Variants in QTMAN observed in about 807,000 individuals in gnomAD.
QTMAN encodes queuosine-tRNA mannosyltransferase, also known as tRNA-queuosine alpha-mannosyltransferase.
At chr2:143,952,549 G>A in the QTMAN span, among the ~76,000 whole-genome samples, 1 of 151,256 alleles carries the variant, frequency 6.6e-6, no homozygotes, top group Non-Finnish European at 1.5e-5. Flanking sequence ...TGCTAACAAT[G>A]AAGAATGTTA....
chr2:144,315,999 T>C, the QTMAN span, among the ~76,000 whole-genome samples: 2 of 152,320 alleles, frequency 1.3e-5, no homozygotes, highest in East Asian at 3.9e-4. Flanking sequence ...CCAGATCATC[T>C]GACTCCAACA....
At chr2:144,080,578 A>G in the QTMAN span, among the ~76,000 whole-genome samples, 1 of 152,214 alleles carries the variant, frequency 6.6e-6, no homozygotes, top group Non-Finnish European at 1.5e-5. Context: ...TCAAAATAGA[A>G]CAATCAAAGC....
At chr2:144,187,756 T>C in the QTMAN span, among the ~76,000 whole-genome samples, 1 of 152,152 alleles carries the variant, frequency 6.6e-6, no homozygotes, top group Non-Finnish European at 1.5e-5. Context: ...ATGATGATGA[T>C]GTAGTGGGTT....
the QTMAN span, among the ~76,000 whole-genome samples, chr2:143,948,044 AAAGT>A: frequency 8.0e-4 from 122 of 152,328 alleles, no homozygotes; most frequent in African/African-American, 2.8e-3. Flanking sequence ...GTTTAAGGAA[AAAGT>A]AAGGACTCTG....
chr2:144,087,988 G>A, the QTMAN span, among the ~76,000 whole-genome samples: 89 of 152,004 alleles, frequency 5.9e-4, no homozygotes, highest in Middle Eastern at 0.014. Context: ...AAAATAAAAG[G>A]CATCCAAACC....
chr2:144,075,556 G>C, the QTMAN span, among the ~76,000 whole-genome samples: 11 of 152,310 alleles, frequency 7.2e-5, no homozygotes, highest in Admixed American at 3.3e-4. Context: ...GGAACTTGAG[G>C]TCACTGTAGC....
chr2:144,257,408 A>G, the QTMAN span, among the ~76,000 whole-genome samples: 1 of 152,154 alleles, frequency 6.6e-6, no homozygotes, highest in Non-Finnish European at 1.5e-5. Context: ...GAGAGAAAAA[A>G]AAAACAAAAC....
chr2:144,030,497 G>A, the QTMAN span, among the ~76,000 whole-genome samples: 1 of 152,158 alleles, frequency 6.6e-6, no homozygotes, highest in African/African-American at 2.4e-5. Context: ...GCTCTAGGAA[G>A]CAGGAATCAT....
At chr2:144,229,760 A>T in the QTMAN span, among the ~76,000 whole-genome samples, 10 of 152,222 alleles carry the variant, frequency 6.6e-5, no homozygotes, top group Non-Finnish European at 1.3e-4. Flanking sequence ...TCACAGAATG[A>T]AATTACTGAG....
chr2:144,100,213 C>G, the QTMAN span, among the ~76,000 whole-genome samples: 1 of 152,210 alleles, frequency 6.6e-6, no homozygotes, highest in African/African-American at 2.4e-5. Flanking sequence ...GGCCCAAGTT[C>G]TGCTCTCAGT....
the QTMAN span, among the ~76,000 whole-genome samples, chr2:144,109,338 C>T: frequency 2.0e-5 from 3 of 152,092 alleles, no homozygotes; most frequent in South Asian, 6.2e-4. Flanking sequence ...AACTGGCTAG[C>T]CATATGTAGA....
the QTMAN span, among the ~76,000 whole-genome samples, chr2:144,155,814 A>C: frequency 1.3e-5 from 2 of 152,158 alleles, no homozygotes; most frequent in African/African-American, 2.4e-5. Flanking sequence ...TTAGGCTTGA[A>C]TATTATGACA....
chr2:144,181,767 T>C, the QTMAN span, among the ~76,000 whole-genome samples: 1 of 152,064 alleles, frequency 6.6e-6, no homozygotes. Context: ...GCTTAGATCA[T>C]GCCACTGCAC....
At chr2:144,253,797 C>T in the QTMAN span, among the ~76,000 whole-genome samples, 1 of 151,756 alleles carries the variant, frequency 6.6e-6, no homozygotes, top group South Asian at 2.1e-4. Flanking sequence ...AAAATTCAAA[C>T]CAGCTGCAGA....
the QTMAN span, among the ~76,000 whole-genome samples, chr2:144,001,761 T>C: frequency 6.6e-6 from 1 of 151,798 alleles, no homozygotes; most frequent in Non-Finnish European, 1.5e-5. Context: ...CAAATTGTGT[T>C]TGGTCTGAGA....
chr2:144,000,110 C>T, the QTMAN span, among the ~76,000 whole-genome samples: 1 of 152,006 alleles, frequency 6.6e-6, no homozygotes, highest in East Asian at 1.9e-4. Context: ...TCTGGTGAGG[C>T]TCTTTCTTTG....
chr2:144,145,586 G>T, the QTMAN span: 1 of 1,608,224 alleles, frequency 6.2e-7, no homozygotes, highest in South Asian at 1.1e-5. Flanking sequence ...AAAGAATTTG[G>T]TTGTATCCAT....
chr2:144,330,790 T>C, the QTMAN span, among the ~76,000 whole-genome samples: 1 of 152,358 alleles, frequency 6.6e-6, no homozygotes, highest in African/African-American at 2.4e-5. Context: ...TAATGAAGAC[T>C]ACTAGTTCTA....
the QTMAN span, among the ~76,000 whole-genome samples, chr2:144,075,580 T>C: frequency 8.5e-5 from 13 of 152,182 alleles, no homozygotes; most frequent in East Asian, 1.9e-4. Flanking sequence ...TACAAAGAAG[T>C]AGTGATAGGA....
Sources: allele counts gnomAD v4.1 joint callset (sites outside exome capture counted in the v4.1 genomes callset), GRCh38; gene constraint gnomAD v4.1.1; transcripts MANE v1.5; gene names NCBI Gene and HGNC (gene_info 2026-07-23, HGNC 2026-07-21).